Variants in FARP2 observed in about 807,000 individuals in gnomAD.
FARP2 encodes the protein FERM, ARH/RhoGEF and pleckstrin domain protein 2.
In FARP2, 111 loss-of-function variants were observed where a neutral mutation model predicts 130.5. The observed-to-expected ratio is 0.85, with a 90% CI of 0.73 to 1.00. The LOEUF (loss-of-function observed/expected upper bound fraction) is 1.00, where lower values mean the gene tolerates loss of function less well. FARP2 is among the 50% of genes least tolerant of loss of function. FARP2 has a pLI of 0.00. For missense variants in FARP2, 1,385 were observed against 1,346.3 expected, an observed-to-expected ratio of 1.03 and a Z score of -0.45; for synonymous variants, 504 against 516.9, an observed-to-expected ratio of 0.98 and a Z score of 0.34.
chr2:241,368,614 AC>A (rs2150293104), intron 1 of FARP2, among the ~76,000 whole-genome samples: 1 of 152,176 alleles, frequency 6.6e-6, no homozygotes, highest in Non-Finnish European at 1.5e-5. Context: ...CAATGGGGTT[AC>A]CTGCCGGTAT....
At chr2:241,467,621 G>A (rs1482508956) in intron 17 of FARP2, among the ~76,000 whole-genome samples, 11 of 149,398 alleles carry the variant, frequency 7.4e-5, no homozygotes, top group Admixed American at 6.1e-4. Flanking sequence ...CAGCCTGGGC[G>A]ACAGAGCTAG....
At chr2:241,466,278 A>G (rs2064167045) in intron 17 of FARP2, 1 of 985,294 alleles carries the variant, frequency 1.0e-6, no homozygotes, top group African/African-American at 1.7e-5. Context: ...TGGAGTGGTG[A>G]GTCCCGGAGT....
chr2:241,473,360 G>A (rs2064368516), intron 18 of FARP2, among the ~76,000 whole-genome samples: 1 of 151,816 alleles, frequency 6.6e-6, no homozygotes, highest in African/African-American at 2.4e-5. Context: ...TTCTGTGGCA[G>A]ATGCTATTCT....
chr2:241,484,878 A>G (rs2064713194), intron 21 of FARP2, among the ~76,000 whole-genome samples: 1 of 152,132 alleles, frequency 6.6e-6, no homozygotes, highest in Non-Finnish European at 1.5e-5. Flanking sequence ...ACTTGCCCTG[A>G]GCGTGTCCCT....
At chr2:241,441,878 G>A (rs1448382641) in intron 13 of FARP2, 2 of 428,626 alleles carry the variant, frequency 4.7e-6, no homozygotes, top group Non-Finnish European at 8.6e-6. Flanking sequence ...TTTCCTTATG[G>A]CTCTGTAGTC....
At chr2:241,443,266 A>T (rs1323545511) in intron 13 of FARP2, 6 of 153,214 alleles carry the variant, frequency 3.9e-5, no homozygotes, top group South Asian at 2.0e-4. Flanking sequence ...TTTTTTTTTT[A>T]AAGGTGTCAA....
intron 1 of FARP2, among the ~76,000 whole-genome samples, chr2:241,363,132 C>G (rs1031482118): frequency 6.6e-6 from 1 of 152,226 alleles, no homozygotes; most frequent in Non-Finnish European, 1.5e-5. Flanking sequence ...TCAGCATCCC[C>G]TGCCCTGGAC....
At chr2:241,462,739 G>C (rs2064057933) in intron 15 of FARP2, 127 bp downstream of exon 15, 1 of 654,326 alleles carries the variant, frequency 1.5e-6, no homozygotes, top group Non-Finnish European at 2.7e-6. Context: ...ACCCAGGCTG[G>C]AGTGCGGTGG....
intron 2 of FARP2, among the ~76,000 whole-genome samples, chr2:241,374,965 G>C (rs2061501396): frequency 6.6e-6 from 1 of 151,892 alleles, no homozygotes; most frequent in African/African-American, 2.4e-5. Flanking sequence ...TTTCTTTTTT[G>C]AGGCGGAGTC....
In FARP2 at chr2:241,418,063, C is replaced by A. The variant is rs1428500377; in HGVS notation, c.725C>A (p.Thr242Asn). ...RFHMASDREG[T>N]KIQLAVSHMG... ...CACATGGCTTCTGACAGGGAAGGAACCAAGATTCAACTGGCAGTTTCCCAC... is the reference window on the plus strand; with the variant it reads ...CACATGGCTTCTGACAGGGAAGGAAACAAGATTCAACTGGCAGTTTCCCAC... Residue 242 changes from threonine to asparagine, a missense_variant, in exon 8 of 27, where the codon ACC becomes AAC. Thr to Asn is a moderately conservative substitution (Grantham distance 65). Transcript: ENST00000264042. The A allele has an allele frequency of 2.5e-6, 4 of 1,613,998 alleles. No homozygotes were observed. The African/African-American group carries it at 5.3e-5, about 22-fold the overall frequency.
chr2:241,447,307 T>C (rs953647221), intron 13 of FARP2, among the ~76,000 whole-genome samples: 1 of 152,208 alleles, frequency 6.6e-6, no homozygotes, highest in South Asian at 2.1e-4. Context: ...ACAGGCACCA[T>C]GACTCTTGTG....
chr2:241,420,579 A>G (rs1435992813), intron 8 of FARP2, among the ~76,000 whole-genome samples: 1 of 152,212 alleles, frequency 6.6e-6, no homozygotes, highest in Non-Finnish European at 1.5e-5. Flanking sequence ...GGATACCATG[A>G]TAGAAACAAA....
In FARP2 at chr2:241,483,479, G is replaced by C. The variant is rs756267431; in HGVS notation, c.2277G>C (p.Glu759Asp). 2.1e-5 allele frequency: 34 copies of C among 1,614,194 alleles called. No homozygotes were observed. Among genetic ancestry groups the C allele is most frequent in the Non-Finnish European group, 2.9e-5 (34 of 1,179,984 alleles). ...LIAPGREFIR[E>D]GCLHKLTKKG... is the part of the protein sequence containing the mutation. The stretch of plus-strand genomic sequence containing the variant: ...CTGTCTTTCAGGAGTTCATCCGTGA[G>C]GGCTGCCTTCACAAGCTCACCAAGA... The change falls in exon 20 of 27, where the codon GAG becomes GAC. Residue 759 changes from glutamate (E) to aspartate (D), a missense_variant. Coordinates refer to ENST00000264042, the MANE Select transcript of FARP2 (RefSeq NM_014808.4).
chr2:241,410,433 CTTT>C (rs11369953), intron 5 of FARP2, among the ~76,000 whole-genome samples: 2 of 143,568 alleles, frequency 1.4e-5, no homozygotes, highest in African/African-American at 2.6e-5. Flanking sequence ...TAATTTCTTT[CTTT>C]TTTTTTTTTT....
intron 21 of FARP2, among the ~76,000 whole-genome samples, chr2:241,485,411 G>A (rs2064727300): frequency 6.9e-6 from 1 of 144,828 alleles, no homozygotes; most frequent in Admixed American, 6.8e-5. Flanking sequence ...CCCTCCCTGG[G>A]ATCCTCCTTT....
rs895489649 is a variant in FARP2 at position 241,459,510 on chromosome 2, T to A, written c.1587+2588T>A. On this transcript the variant is annotated intron_variant, in intron 14 of 26. Coordinates refer to ENST00000264042, the MANE Select transcript of FARP2 (RefSeq NM_014808.4). This position sits in a 1 kb window ranked among gnomAD's most constrained non-coding sequence, Gnocchi z 5.3. ...CCCCAGTGTCTCCCACTTGATGCAC[T>A]GTTTGTCCCCTTTTTAATAGAGATT... Among the ~76,000 whole-genome samples the A allele has an allele frequency of 3.9e-5, 6 of 152,028 alleles. No homozygotes were observed. Among genetic ancestry groups the A allele is most frequent in the African/African-American group, 1.4e-4 (6 of 41,428 alleles).
intron 13 of FARP2, chr2:241,443,087 TG>T: frequency 4.0e-6 from 1 of 249,348 alleles, no homozygotes; most frequent in Non-Finnish European, 7.8e-6. Flanking sequence ...CGTGGGACTC[TG>T]AGACCCTAAG....
chr2:241,442,729 T>C (rs2063418895), intron 13 of FARP2: 2 of 339,490 alleles, frequency 5.9e-6, no homozygotes, highest in South Asian at 2.3e-5. Context: ...GTAAAAGCTA[T>C]GCCTCCGGTC....
At chr2:241,424,818 C>T (rs2062891563) in intron 8 of FARP2, among the ~76,000 whole-genome samples, 2 of 152,180 alleles carry the variant, frequency 1.3e-5, no homozygotes, top group African/African-American at 2.4e-5. Context: ...ATGCTATAAA[C>T]ACCTCTATGC....
Sources: gnomAD v4.1 joint callset for allele counts (sites outside exome capture counted in the v4.1 genomes callset) on GRCh38, gnomAD v4.1.1 for gene constraint, Gnocchi (gnomAD v3.1) non-coding constraint, MANE v1.5 for transcripts, NCBI Gene and HGNC (gene_info 2026-07-23, HGNC 2026-07-21) for gene names.